Variants in DLG2 observed in about 807,000 individuals in gnomAD.
The protein encoded by DLG2 is disks large homolog 2.
Under a neutral mutation model 132.5 loss-of-function variants are expected in DLG2, and 45 were observed. That is an observed-to-expected ratio of 0.34 (90% CI 0.27 to 0.44). DLG2 has a LOEUF of 0.44. Among genes scored for constraint, DLG2 ranks in the 20% least tolerant of loss-of-function variants. The probability of loss-of-function intolerance (pLI) is 1.00; values close to 1 mark genes in which losing one functional copy is unlikely to be tolerated. For missense variants in DLG2, 1,045 were observed against 1,196.9 expected (o/e 0.87, Z 1.87); for synonymous variants, 424 against 419.6 (o/e 1.01, Z -0.13).
At chr11:84,485,354 A>G (rs2099148129) in intron 7 of DLG2, among the ~76,000 whole-genome samples, 1 of 152,192 alleles carries the variant, frequency 6.6e-6, no homozygotes, top group African/African-American at 2.4e-5. Flanking sequence ...AAAGTGAGTC[A>G]TGTGTAACAA....
intron 10 of DLG2, among the ~76,000 whole-genome samples, chr11:84,082,848 T>C (rs1594858129): frequency 6.6e-6 from 1 of 152,118 alleles, no homozygotes; most frequent in South Asian, 2.1e-4. Flanking sequence ...CTGCTGTGGG[T>C]GAGAGACATG....
At chr11:83,908,758 C>G (rs2075506487) in intron 15 of DLG2, among the ~76,000 whole-genome samples, 1 of 151,602 alleles carries the variant, frequency 6.6e-6, no homozygotes, top group African/African-American at 2.4e-5. Context: ...TTTTAAGGGA[C>G]AGGGTCTTAC....
intron 10 of DLG2, among the ~76,000 whole-genome samples, chr11:84,079,286 TTTTG>T (rs1566382477): frequency 1.3e-5 from 2 of 151,538 alleles, no homozygotes; most frequent in Admixed American, 1.3e-4. Flanking sequence ...TTGTTTTTTT[TTTTG>T]TTTTTCTTTT....
intron 3 of DLG2, among the ~76,000 whole-genome samples, chr11:85,482,549 TAGGCTTTATGG>T (rs2093323309): frequency 6.6e-6 from 1 of 152,148 alleles, no homozygotes; most frequent in South Asian, 2.1e-4. Flanking sequence ...AGACCCAGGC[TAGGCTTTATGG>T]ATCCAATCCC....
At chr11:85,363,054 T>C (rs1004633111) in intron 3 of DLG2, among the ~76,000 whole-genome samples, 3 of 152,198 alleles carry the variant, frequency 2.0e-5, no homozygotes, top group Admixed American at 1.3e-4. Flanking sequence ...AGATTGAACC[T>C]TAAAACAATT....
intron 6 of DLG2, among the ~76,000 whole-genome samples, chr11:84,812,085 T>C (rs1273739345): frequency 6.6e-6 from 1 of 152,154 alleles, no homozygotes; most frequent in Non-Finnish European, 1.5e-5. Context: ...TAAAAGCGTT[T>C]CAGACACTGA....
At chr11:83,673,400 G>A (rs1367082767) in intron 18 of DLG2, among the ~76,000 whole-genome samples, 1 of 152,164 alleles carries the variant, frequency 6.6e-6, no homozygotes, top group Non-Finnish European at 1.5e-5. Context: ...GAAGACTAAT[G>A]TTGGAAGATC....
intron 7 of DLG2, among the ~76,000 whole-genome samples, chr11:84,287,288 C>T (rs2097918863): frequency 6.6e-6 from 1 of 152,078 alleles, no homozygotes; most frequent in South Asian, 2.1e-4. Context: ...AAAAGTATCA[C>T]ATTTGATTCT....
At chr11:84,733,213 C>T (rs949666347) in intron 6 of DLG2, among the ~76,000 whole-genome samples, 1 of 152,166 alleles carries the variant, frequency 6.6e-6, no homozygotes, top group African/African-American at 2.4e-5. Flanking sequence ...GAGGAATCGA[C>T]ACACTGACTT....
intron 3 of DLG2, among the ~76,000 whole-genome samples, chr11:85,440,858 G>A (rs1597369179): frequency 1.3e-5 from 2 of 152,216 alleles, no homozygotes; most frequent in East Asian, 3.9e-4. Flanking sequence ...TGGGGCCTAG[G>A]CAACCCTATG....
At chr11:83,906,694 A>C (rs1356985680) in intron 15 of DLG2, among the ~76,000 whole-genome samples, 1 of 152,160 alleles carries the variant, frequency 6.6e-6, no homozygotes, top group Non-Finnish European at 1.5e-5. Context: ...CACTTTACAC[A>C]TGAATCTCAT....
chr11:85,100,722 C>T (rs2070726398), intron 6 of DLG2, among the ~76,000 whole-genome samples: 1 of 152,120 alleles, frequency 6.6e-6, no homozygotes, highest in African/African-American at 2.4e-5. Context: ...CCCACCATCT[C>T]TACCACAAAC....
At chr11:84,208,008 T>C (rs2096697162) in intron 8 of DLG2, among the ~76,000 whole-genome samples, 1 of 152,202 alleles carries the variant, frequency 6.6e-6, no homozygotes, top group South Asian at 2.1e-4. Context: ...TCTGTATCCC[T>C]GAACCTGAAA....
chr11:84,475,341 T>C (rs1252288839), intron 7 of DLG2, among the ~76,000 whole-genome samples: 2 of 152,094 alleles, frequency 1.3e-5, no homozygotes, highest in African/African-American at 4.8e-5. Context: ...AATACTAACA[T>C]TTTTTGCGGT....
intron 6 of DLG2, among the ~76,000 whole-genome samples, chr11:84,543,291 G>C (rs149549990): frequency 0.014 from 2,139 of 152,136 alleles, 62 homozygotes; most frequent in African/African-American, 0.05. Context: ...AAAAATGGGA[G>C]GAGGAAAGGC....
At chr11:84,854,936 C>A (rs1053145707) in intron 6 of DLG2, among the ~76,000 whole-genome samples, 3 of 152,012 alleles carry the variant, frequency 2.0e-5, no homozygotes, top group African/African-American at 4.8e-5. Flanking sequence ...AGTTGCTAAA[C>A]TGTCTACTTT....
chr11:83,595,404 T>C (rs1458293317), intron 19 of DLG2, among the ~76,000 whole-genome samples: 1 of 152,226 alleles, frequency 6.6e-6, no homozygotes, highest in Non-Finnish European at 1.5e-5. Flanking sequence ...GTTCCAGGCA[T>C]TAAATGAGAT....
At chr11:85,326,298 G>A (rs1314240104) in intron 3 of DLG2, among the ~76,000 whole-genome samples, 1 of 143,600 alleles carries the variant, frequency 7.0e-6, no homozygotes, top group Non-Finnish European at 1.5e-5. Context: ...CTCGAGAAGA[G>A]CAACTCCAAG....
chr11:84,854,309 T>C (rs1207682240), intron 6 of DLG2, among the ~76,000 whole-genome samples: 1 of 151,374 alleles, frequency 6.6e-6, no homozygotes, highest in African/African-American at 2.4e-5. Context: ...GGAAAAGTTT[T>C]TCTTTTTTTT....
Sources: allele counts gnomAD v4.1 joint callset (sites outside exome capture counted in the v4.1 genomes callset), GRCh38; gene constraint gnomAD v4.1.1; transcripts MANE v1.5; gene names NCBI Gene and HGNC (gene_info 2026-07-23, HGNC 2026-07-21).